Variants in STK3 observed in about 807,000 individuals in gnomAD.
STK3 encodes serine/threonine kinase 3.
Under a neutral mutation model 58.0 loss-of-function variants are expected in STK3, and 41 were observed. The ratio of observed to expected loss-of-function variants is 0.71; its 90% CI spans 0.55 to 0.92. STK3 has a LOEUF of 0.92. Ranked by LOEUF, STK3 falls within the 40% of genes least tolerant of loss-of-function variation. STK3 has a pLI of 0.00. For synonymous variants in STK3, 170 were observed against 191.0 expected (o/e 0.89, Z 0.91); for missense variants, 479 against 602.7 (o/e 0.79, Z 2.15).
intron 3 of STK3, among the ~76,000 whole-genome samples, chr8:98,763,785 G>A (rs1830776465): frequency 6.6e-6 from 1 of 151,808 alleles, no homozygotes; most frequent in Admixed American, 6.6e-5. Context: ...TGATTCTCCT[G>A]CCTCAGCCTC....
At chr8:98,697,271 G>A (rs1213351446) in intron 6 of STK3, among the ~76,000 whole-genome samples, 2 of 152,046 alleles carry the variant, frequency 1.3e-5, no homozygotes, top group Non-Finnish European at 2.9e-5. Flanking sequence ...AGTCTTGCTA[G>A]CGGTCTATCA....
At position 98,460,221 on chromosome 8, in the gene STK3, G is replaced by C. The variant is rs1173977467; in HGVS notation, c.1318-4221C>G. Among the ~76,000 whole-genome samples the C allele has an allele frequency of 3.3e-5, 5 of 152,330 alleles. No individual in the cohort carries two copies. In the East Asian group the frequency reaches 9.6e-4, roughly 29 times the overall value. Reference sequence around the variant, plus strand: ...GGATGTGAGACATGGAGTCAAAGGAGATCATTTTGGAACTTTAAAATTTAA... The same window carrying C: ...GGATGTGAGACATGGAGTCAAAGGACATCATTTTGGAACTTTAAAATTTAA... On this transcript the variant is annotated intron_variant, in intron 10 of 10. Transcript: ENST00000419617.
intron 6 of STK3, among the ~76,000 whole-genome samples, chr8:98,600,042 T>C (rs1247929774): frequency 6.6e-6 from 1 of 152,156 alleles, no homozygotes; most frequent in Non-Finnish European, 1.5e-5. Context: ...TACAGAAATT[T>C]TGAAGAGAAT....
chr8:98,410,327 A>T (rs1332728218), intron 3 of STK3, among the ~76,000 whole-genome samples: 3 of 152,182 alleles, frequency 2.0e-5, no homozygotes, highest in Non-Finnish European at 2.9e-5. Context: ...GGAGATAATG[A>T]AATAGAGAGC....
intron 10 of STK3, among the ~76,000 whole-genome samples, chr8:98,525,886 T>C (rs965297424): frequency 6.6e-6 from 1 of 151,852 alleles, no homozygotes; most frequent in Non-Finnish European, 1.5e-5. Context: ...TTCTTAAATT[T>C]AAAAAATGTA....
At chr8:98,549,961 G>T (rs1029142869) in intron 8 of STK3, among the ~76,000 whole-genome samples, 3 of 152,090 alleles carry the variant, frequency 2.0e-5, no homozygotes, top group Admixed American at 6.6e-5. Flanking sequence ...GAGCTATGAT[G>T]GTGCCACTGC....
At chr8:98,885,574 G>A (rs1837957005) in intron 1 of STK3, among the ~76,000 whole-genome samples, 1 of 152,110 alleles carries the variant, frequency 6.6e-6, no homozygotes, top group South Asian at 2.1e-4. Context: ...CAAGTAGCTG[G>A]GATTACAGGC....
chr8:98,905,597 T>C, intron 1 of STK3: 1 of 1,018,004 alleles, frequency 9.8e-7, no homozygotes, highest in Non-Finnish European at 1.6e-6. Flanking sequence ...GCACCTTCCC[T>C]ACTGCTTGAA....
chr8:98,425,654 A>T (rs565175875), intron 3 of STK3, among the ~76,000 whole-genome samples: 20 of 152,288 alleles, frequency 1.3e-4, no homozygotes, highest in Admixed American at 3.3e-4. Flanking sequence ...GGTCACAGGG[A>T]TGGGTCAGAC....
chr8:98,708,247 G>A (rs1164331535), intron 4 of STK3, among the ~76,000 whole-genome samples: 2 of 152,098 alleles, frequency 1.3e-5, no homozygotes, highest in East Asian at 3.9e-4. Context: ...TCTAATACTG[G>A]GAGGGCACTA....
intron 3 of STK3, among the ~76,000 whole-genome samples, chr8:98,766,349 C>CATAAA (rs1320268915): frequency 6.6e-6 from 1 of 152,186 alleles, no homozygotes; most frequent in Non-Finnish European, 1.5e-5. Context: ...ATTAGATTTA[C>CATAAA]ATAAAACATG....
At chr8:98,739,031 G>A (rs1279390081) in intron 4 of STK3, among the ~76,000 whole-genome samples, 1 of 152,244 alleles carries the variant, frequency 6.6e-6, no homozygotes, top group Non-Finnish European at 1.5e-5. Context: ...CAGCGGCGAG[G>A]CTGGGGGAGG....
intron 6 of STK3, among the ~76,000 whole-genome samples, chr8:98,655,421 A>G (rs1488484502): frequency 2.0e-5 from 3 of 152,236 alleles, no homozygotes; most frequent in African/African-American, 7.2e-5. Flanking sequence ...GGACATAGGC[A>G]TGGGCAAGGA....
At chr8:98,709,227 G>A (rs373570250) in intron 4 of STK3, among the ~76,000 whole-genome samples, 253 of 152,224 alleles carry the variant, frequency 1.7e-3, no homozygotes, top group African/African-American at 5.8e-3. Context: ...GACAACAATA[G>A]AGAGCTACTG....
chr8:98,650,686 T>C (rs1047253329), intron 6 of STK3, among the ~76,000 whole-genome samples: 1 of 152,004 alleles, frequency 6.6e-6, no homozygotes, highest in Non-Finnish European at 1.5e-5. Context: ...CAGGAGATTA[T>C]ATCCCGCCCA....
chr8:98,400,776 T>A (rs557099801), downstream of STK3, among the ~76,000 whole-genome samples: 47 of 151,528 alleles, frequency 3.1e-4, no homozygotes, highest in East Asian at 2.5e-3. Flanking sequence ...TTGTCTTTTT[T>A]AAAAAAAAAA....
At chr8:98,405,600 A>G (rs1817986009) in intron 3 of STK3, among the ~76,000 whole-genome samples, 1 of 152,166 alleles carries the variant, frequency 6.6e-6, no homozygotes, top group African/African-American at 2.4e-5. Flanking sequence ...GTGGGTCAGG[A>G]AATACAGATG....
intron 3 of STK3, among the ~76,000 whole-genome samples, chr8:98,756,916 A>G (rs1161372501): frequency 6.6e-6 from 1 of 152,190 alleles, no homozygotes; most frequent in East Asian, 1.9e-4. Context: ...CCTATGCCCC[A>G]GAACCCACTC....
chr8:98,870,862 C>A (rs765490239), intron 3 of STK3, among the ~76,000 whole-genome samples: 11 of 152,142 alleles, frequency 7.2e-5, no homozygotes, highest in Non-Finnish European at 1.3e-4. Context: ...TCCCATTTGT[C>A]AATTTTGGCT....
Sources: gnomAD v4.1 joint callset for allele counts (sites outside exome capture counted in the v4.1 genomes callset) on GRCh38, gnomAD v4.1.1 for gene constraint, MANE v1.5 for transcripts, NCBI Gene and HGNC (gene_info 2026-07-23, HGNC 2026-07-21) for gene names.